Variants in BICRAL observed in about 807,000 individuals in gnomAD.
BICRAL encodes BRD4-interacting chromatin-remodeling complex-associated protein-like.
A neutral mutation model predicts 91.8 loss-of-function variants in BICRAL; 8 were observed. The observed-to-expected ratio is 0.09, with a 90% CI of 0.05 to 0.16. The LOEUF (loss-of-function observed/expected upper bound fraction) is 0.16, where lower values mean the gene tolerates loss of function less well. BICRAL is among the 10% of genes least tolerant of loss of function. The pLI is 1.00. For synonymous variants in BICRAL, 445 were observed against 491.1 expected (o/e 0.91, Z 1.24); for missense variants, 1,038 against 1,310.9 (o/e 0.79, Z 3.21).
chr6:42,822,912 C>T (rs767032045), intron 4 of BICRAL, 23 bp from the exon 5 acceptor site: 1 of 1,560,366 alleles, frequency 6.4e-7, no homozygotes, highest in Non-Finnish European at 8.8e-7. Flanking sequence ...TAGTAACCAC[C>T]TATTGAATTT....
intron 9 of BICRAL, among the ~76,000 whole-genome samples, chr6:42,856,812 A>G (rs1383968686): frequency 6.6e-6 from 1 of 152,080 alleles, no homozygotes; most frequent in Non-Finnish European, 1.5e-5. Context: ...GTTAGCATGA[A>G]CTTAGTTGGC....
At chr6:42,748,397 A>T (rs560444032) in intron 1 of BICRAL, among the ~76,000 whole-genome samples, 1 of 152,174 alleles carries the variant, frequency 6.6e-6, no homozygotes, top group Admixed American at 6.5e-5. Context: ...CTGGAGTGAG[A>T]TAACATTTCG....
chr6:42,749,509 A>G (rs1373774879), intron 1 of BICRAL, among the ~76,000 whole-genome samples: 10 of 152,222 alleles, frequency 6.6e-5, no homozygotes, highest in Non-Finnish European at 1.5e-4. Flanking sequence ...TGTATTGTAC[A>G]TTTCAAAATA....
chr6:42,815,173 T>G (rs919119366), intron 2 of BICRAL, among the ~76,000 whole-genome samples: 5 of 149,626 alleles, frequency 3.3e-5, no homozygotes, highest in African/African-American at 1.2e-4. Context: ...CCATTGCTAC[T>G]GGTCAGAATA....
chr6:42,855,986 T>C, intron 9 of BICRAL, 69 bp downstream of exon 9: 1 of 1,228,446 alleles, frequency 8.1e-7, no homozygotes, highest in Non-Finnish European at 1.2e-6. Context: ...TCAATAAATA[T>C]ACCACAGAAA....
intron 2 of BICRAL, among the ~76,000 whole-genome samples, chr6:42,819,435 G>A (rs1764079393): frequency 6.6e-6 from 1 of 152,022 alleles, no homozygotes; most frequent in African/African-American, 2.4e-5. Context: ...ACAGGCAAGT[G>A]CCACCATGCC....
chr6:42,760,555 C>T (rs1762528700), intron 1 of BICRAL, among the ~76,000 whole-genome samples: 1 of 151,142 alleles, frequency 6.6e-6, no homozygotes, highest in African/African-American at 2.4e-5. Context: ...GTGGTTTCAA[C>T]ATTATTATTA....
In BICRAL at chr6:42,828,640, T is replaced by C. The variant is rs758296833; in HGVS notation, c.307T>C (p.Phe103Leu). ...PLPDLTEDQPFDILQKSLQEA... is the reference protein window; with the variant it reads ...PLPDLTEDQPLDILQKSLQEA... The stretch of plus-strand genomic sequence containing the variant: ...TCCTGATCTCACTGAGGACCAACCT[T>C]TCGACATTCTTCAGAAATCCTTGCA... Residue 103 changes from phenylalanine to leucine, a missense_variant, in exon 6 of 13, where the codon TTC becomes CTC. Transcript: ENST00000314073. The C allele has an allele frequency of 8.1e-6, 13 of 1,614,122 alleles. No individual in the cohort carries two copies. The South Asian group carries it at 1.3e-4, about 16-fold the overall frequency.
At chr6:42,807,604 T>C (rs893441366) in intron 1 of BICRAL, among the ~76,000 whole-genome samples, 1 of 151,908 alleles carries the variant, frequency 6.6e-6, no homozygotes, top group Non-Finnish European at 1.5e-5. Flanking sequence ...GGTCAAGTGA[T>C]TGAGACCATC....
intron 1 of BICRAL, among the ~76,000 whole-genome samples, chr6:42,798,894 TA>T (rs1459010651): frequency 1.3e-5 from 2 of 152,182 alleles, no homozygotes; most frequent in Non-Finnish European, 2.9e-5. Flanking sequence ...ATGTAAATGC[TA>T]TGTAATAGTT....
At chr6:42,855,546 CATGATGATGATG>C (rs113362170) in intron 8 of BICRAL, among the ~76,000 whole-genome samples, 1 of 150,616 alleles carries the variant, frequency 6.6e-6, no homozygotes, top group Non-Finnish European at 1.5e-5. Flanking sequence ...TGTCAAAAAA[CATGATGATGATG>C]ATGATGATGA....
At chr6:42,794,490 CAAGT>C (rs1481441821) in intron 1 of BICRAL, among the ~76,000 whole-genome samples, 2 of 151,134 alleles carry the variant, frequency 1.3e-5, no homozygotes, top group Non-Finnish European at 2.9e-5. Context: ...CTCCTGGAGT[CAAGT>C]AATCCTCCTG....
chr6:42,849,795 T>C (rs995949054), intron 6 of BICRAL, among the ~76,000 whole-genome samples: 3 of 150,670 alleles, frequency 2.0e-5, no homozygotes, highest in Admixed American at 2.0e-4. Context: ...CTCACGCCTA[T>C]AATCCCAGCA....
At chr6:42,747,800 A>ATT (rs1190497772) in intron 1 of BICRAL, among the ~76,000 whole-genome samples, 3 of 112,966 alleles carry the variant, frequency 2.7e-5, no homozygotes, top group African/African-American at 6.7e-5. Flanking sequence ...TTTTTGTTTT[A>ATT]TTTTGTTTTT....
At chr6:42,750,896 TTTTTTTTTTTTTA>T (rs1313848083) in intron 1 of BICRAL, among the ~76,000 whole-genome samples, 22 of 78,376 alleles carry the variant, frequency 2.8e-4, no homozygotes, top group East Asian at 5.8e-4. Flanking sequence ...TTTTTTTTTT[TTTTTTTTTTTTTA>T]ATACTTTAAG....
intron 10 of BICRAL, among the ~76,000 whole-genome samples, chr6:42,857,455 G>A (rs1449291017): frequency 2.6e-5 from 4 of 151,508 alleles, no homozygotes; most frequent in African/African-American, 9.7e-5. Flanking sequence ...AAGAGTAGGG[G>A]CACACACCTG....
rs369932291 is a variant in BICRAL at position 42,839,036 on chromosome 6, C to A, written c.1839+8864C>A. Among the ~76,000 whole-genome samples the A allele has an allele frequency of 3.2e-4, 48 of 151,990 alleles. No homozygotes were observed. The East Asian group carries it at 8.3e-3, about 26-fold the overall frequency. ...TCAACATGGCGAAACCCTGTCTCTA[C>A]TAAAAATACAAAAATTAGCCAGGTG... On this transcript the variant is annotated intron_variant, in intron 6 of 12. Coordinates refer to ENST00000314073, the MANE Select transcript of BICRAL (RefSeq NM_001393499.1).
At position 42,770,937 on chromosome 6, in the gene BICRAL, C is replaced by T. The variant is rs144746938; in HGVS notation, c.-260-10902C>T. On this transcript the variant is annotated intron_variant, in intron 1 of 14. Transcript: ENST00000614467. ...CCTCAAGTGATCCGCCTGCCTCGGC[C>T]TTACAAAGTGCTGGGATTACAGGCG... Among the ~76,000 whole-genome samples the T allele has an allele frequency of 3.8e-3, 576 of 152,286 alleles. 4 individuals are homozygous for T. Among genetic ancestry groups the T allele is most frequent in the African/African-American group, 0.013 (554 of 41,556 alleles).
intron 1 of BICRAL, among the ~76,000 whole-genome samples, chr6:42,793,296 A>ATTT (rs35332872): frequency 3.0e-4 from 7 of 22,974 alleles, no homozygotes; most frequent in African/African-American, 9.6e-4. Context: ...GACCCAGCTA[A>ATTT]TTTTTTTTTT....
Sources: allele counts gnomAD v4.1 joint callset (sites outside exome capture counted in the v4.1 genomes callset), GRCh38; gene constraint gnomAD v4.1.1; transcripts MANE v1.5; gene names NCBI Gene and HGNC (gene_info 2026-07-23, HGNC 2026-07-21).